VIL1: variants seen among roughly 807,000 people sequenced by gnomAD.
VIL1 encodes the protein villin-1.
Under a neutral mutation model 104.0 loss-of-function variants are expected in VIL1, and 86 were observed. The ratio of observed to expected loss-of-function variants is 0.83; its 90% confidence interval spans 0.69 to 0.99. The LOEUF (loss-of-function observed/expected upper bound fraction) is 0.99. VIL1 is among the 50% of genes least tolerant of loss of function. VIL1 has a pLI of 0.00. For missense variants in VIL1, 944 were observed against 1,054.1 expected (o/e 0.90, Z 1.45); for synonymous variants, 394 against 412.6 (o/e 0.95, Z 0.55).
chr2:218,434,503 C>G lies in VIL1; in HGVS notation c.1501-23C>G, dbSNP rs780102252. On this transcript the variant is annotated intron_variant, in intron 13 of 19. Coordinates refer to ENST00000248444, the MANE Select transcript of VIL1 (RefSeq NM_007127.3). ...CTAAGTGACTCCTGACTCTCTCTCC[C>G]TGTCTTCTGCCCTCACCTGCAGGGA... is the stretch of plus-strand genomic sequence containing the variant. The G allele has an allele frequency of 2.5e-6, 4 of 1,595,534 alleles. No individual in the cohort carries two copies. In the Admixed American group the frequency reaches 7.0e-5, roughly 28 times the overall value.
Position 218,428,347 on chromosome 2 carries a change from C to A in VIL1, c.567+10C>A, listed in dbSNP as rs1403532044. ...TATGGAGAGACTCAGGGTAAACCTG[C>A]CCATGCACCACACCTCCCTCTCGAA... On this transcript the variant is annotated intron_variant, in intron 6 of 19. Coordinates refer to ENST00000248444, the MANE Select transcript of VIL1 (RefSeq NM_007127.3). 1 of 1,609,242 alleles carries A rather than the reference C, an allele frequency of 6.2e-7. No homozygotes were observed. Among genetic ancestry groups the A allele is most frequent in the Non-Finnish European group, 8.5e-7 (1 of 1,175,560 alleles).
chr2:218,442,952 C>T (rs1689307128), intron 19 of VIL1, among the ~76,000 whole-genome samples: 1 of 152,126 alleles, frequency 6.6e-6, no homozygotes, highest in African/African-American at 2.4e-5. Flanking sequence ...GGCTAGGAGG[C>T]ACATGGGTCC....
At chr2:218,446,122 C>T (rs1684534326) in intron 19 of VIL1, among the ~76,000 whole-genome samples, 1 of 152,166 alleles carries the variant, frequency 6.6e-6, no homozygotes, top group South Asian at 2.1e-4. Context: ...TTCCCCCGAC[C>T]TCAGTTGTAC....
At chr2:218,446,097 CTTCTT>C (rs2106398047) in intron 19 of VIL1, among the ~76,000 whole-genome samples, 1 of 152,256 alleles carries the variant, frequency 6.6e-6, no homozygotes, top group African/African-American at 2.4e-5. Flanking sequence ...TTCCTAGTGT[CTTCTT>C]TTGGAATCCT....
chr2:218,432,269 G>A lies in VIL1; in HGVS notation c.1341+86G>A, dbSNP rs1689113622. On this transcript the variant is annotated intron_variant, in intron 12 of 19. Coordinates refer to ENST00000248444, the MANE Select transcript of VIL1 (RefSeq NM_007127.3). Reference sequence around the variant, plus strand: ...CCTGCTAAGTGGCCATCACCCTTGGGTTGAATACCTCTGGGGATGGGGTGC... The same window carrying A: ...CCTGCTAAGTGGCCATCACCCTTGGATTGAATACCTCTGGGGATGGGGTGC... 2.6e-6 allele frequency: 4 copies of A among 1,541,100 alleles called. No individual in the cohort carries two copies. In the South Asian group the frequency reaches 3.7e-5, roughly 14 times the overall value.
chr2:218,421,716 C>T (rs1446045903), intron 1 of VIL1, among the ~76,000 whole-genome samples: 1 of 152,156 alleles, frequency 6.6e-6, no homozygotes, highest in Non-Finnish European at 1.5e-5. Flanking sequence ...CCTGATTTCT[C>T]TCTGGGGAGG....
At position 218,440,735 on chromosome 2, in the gene VIL1, C is replaced by T; in HGVS notation, c.2243C>T (p.Pro748Leu). Reference sequence around the variant, plus strand: ...TTTCTTTCCTAGGAGGTCACAAGCCCCAAAGTGGACGTGTTCAATGCTAAC... The same window carrying T: ...TTTCTTTCCTAGGAGGTCACAAGCCTCAAAGTGGACGTGTTCAATGCTAAC... ...WSQITAEVTS[P>L]KVDVFNANSN... is the part of the protein sequence containing the mutation. Residue 748 changes from proline to leucine, a missense_variant, in exon 19 of 20, where the codon CCC becomes CTC. Coordinates refer to ENST00000248444, the MANE Select transcript of VIL1 (RefSeq NM_007127.3). The T allele has an allele frequency of 6.2e-7, 1 of 1,614,020 alleles. No individual in the cohort carries two copies. The highest frequency in any genetic ancestry group is 1.1e-5 in the South Asian group (1 of 91,074).
At position 218,449,234 on chromosome 2, in the gene VIL1, CATTGAAGAT is replaced by C; in HGVS notation, c.2383_2391del (p.Ile795_Asp797del). ...CTCTCTTCTTCTAGGAACACCTGTC[CATTGAAGAT>C]TTCACTCAGGCCTTTGGGATGACTC... On this transcript the variant is annotated inframe_deletion, in exon 20 of 20. Coordinates refer to ENST00000248444, the MANE Select transcript of VIL1 (RefSeq NM_007127.3). The C allele has an allele frequency of 3.1e-6, 5 of 1,613,566 alleles. No homozygotes were observed. The highest frequency in any genetic ancestry group is 4.2e-6 in the Non-Finnish European group (5 of 1,179,514).
intron 16 of VIL1, 129 bp from the exon 17 acceptor site, chr2:218,436,995 C>G: frequency 8.9e-7 from 1 of 1,123,192 alleles, no homozygotes; most frequent in Non-Finnish European, 1.3e-6. Context: ...GATGCCTGCC[C>G]TAGGTCATTT....
chr2:218,428,387 C>T, intron 6 of VIL1, 50 bp downstream of exon 6: 1 of 1,514,952 alleles, frequency 6.6e-7, no homozygotes, highest in Non-Finnish European at 9.2e-7. Context: ...AGACTGCCCC[C>T]ACCTGCTCCT....
chr2:218,430,020 G>C (rs1689068834), intron 9 of VIL1, 73 bp downstream of exon 9: 15 of 1,377,334 alleles, frequency 1.1e-5, no homozygotes, highest in Non-Finnish European at 1.4e-5. Flanking sequence ...TAGCAGCATG[G>C]GGTGGGCAGG....
Position 218,440,713 on chromosome 2 carries a change from C to T in VIL1, c.2230-9C>T. On this transcript the variant is annotated splice_polypyrimidine_tract_variant and intron_variant, in intron 18 of 19. Transcript: ENST00000248444. The stretch of plus-strand genomic sequence containing the variant: ...CTAAAGTAACCAGTGGTTTCCTTTT[C>T]TTTCCTAGGAGGTCACAAGCCCCAA... The T allele has an allele frequency of 1.9e-6, 3 of 1,613,266 alleles. No homozygotes were observed. The highest frequency in any genetic ancestry group is 2.5e-6 in the Non-Finnish European group (3 of 1,179,642).
In VIL1 at chr2:218,453,002, C is replaced by G. The variant is rs1347247357; in HGVS notation, c.*3666C>G. ...AAATATTTTCCTCTGCTCTAAACTA[C>G]TCTGGCGTTTTCTACCACTCTACCA... On this transcript the variant is annotated 3_prime_UTR_variant, in exon 20 of 20. Transcript: ENST00000248444. The G allele has an allele frequency of 6.6e-6, 1 of 152,056 alleles. No individual in the cohort carries two copies. Among genetic ancestry groups the G allele is most frequent in the Non-Finnish European group, 1.5e-5 (1 of 68,042 alleles). The allele number at this position is 152,056 out of a possible 1,614,324, so 9.4% of individuals were successfully genotyped here. A position where few individuals can be genotyped will look rare whatever the true frequency, so the allele number is the denominator to read the frequency against.
intron 18 of VIL1, among the ~76,000 whole-genome samples, chr2:218,439,120 G>C (rs1214487175): frequency 6.6e-6 from 1 of 151,512 alleles, no homozygotes; most frequent in Non-Finnish European, 1.5e-5. Context: ...TAGTAGAGAC[G>C]AGGTTTCACC....
intron 15 of VIL1, among the ~76,000 whole-genome samples, chr2:218,435,987 C>T (rs981417830): frequency 4.6e-5 from 7 of 152,144 alleles, no homozygotes; most frequent in African/African-American, 1.4e-4. Flanking sequence ...TACAGGCGCC[C>T]ACCACCGTGC....
chr2:218,442,886 A>C (rs935797199), intron 19 of VIL1, among the ~76,000 whole-genome samples: 16 of 152,178 alleles, frequency 1.1e-4, no homozygotes, highest in African/African-American at 3.9e-4. Context: ...CTTTTACCTT[A>C]GAGAGCACAT....
chr2:218,434,850 C>G, intron 14 of VIL1, 145 bp downstream of exon 14: 1 of 823,810 alleles, frequency 1.2e-6, no homozygotes, highest in Non-Finnish European at 1.9e-6. Flanking sequence ...AGCCCAGTCT[C>G]TCCCTCCTCA....
chr2:218,448,787 T>C (rs1195843508), intron 19 of VIL1, among the ~76,000 whole-genome samples: 1 of 152,006 alleles, frequency 6.6e-6, no homozygotes, highest in Non-Finnish European at 1.5e-5. Context: ...GGTGGATCAC[T>C]TGAGGTCAGG....
At chr2:218,428,613 T>C (rs111525153) in intron 6 of VIL1, among the ~76,000 whole-genome samples, 100 of 152,210 alleles carry the variant, frequency 6.6e-4, no homozygotes, top group Non-Finnish European at 1.3e-3. Flanking sequence ...CGTGTGTTTA[T>C]ACTCACAGTA....
Sources: gnomAD v4.1 joint callset for allele counts (sites outside exome capture counted in the v4.1 genomes callset) on GRCh38, gnomAD v4.1.1 for gene constraint, MANE v1.5 for transcripts, NCBI Gene and HGNC (gene_info 2026-07-23, HGNC 2026-07-21) for gene names.